NACA: variants seen among roughly 807,000 people sequenced by gnomAD.
NACA encodes nascent polypeptide-associated complex subunit alpha.
Under a neutral mutation model 86.4 loss-of-function variants are expected in NACA, and 42 were observed. The observed-to-expected ratio is 0.49, with a 90% CI of 0.38 to 0.63. The LOEUF (loss-of-function observed/expected upper bound fraction) is 0.63, where lower values mean the gene tolerates loss of function less well. NACA is among the 20% of genes least tolerant of loss of function. The probability of loss-of-function intolerance (pLI) is 0.00; values close to 1 mark genes in which losing one functional copy is unlikely to be tolerated. For missense variants in NACA, 2,157 were observed against 2,483.6 expected, an observed-to-expected ratio of 0.87 and a Z score of 2.80; for synonymous variants, 898 against 973.7, an observed-to-expected ratio of 0.92 and a Z score of 1.45.
rs1953352192 is a variant in NACA, at chr12:56,716,138, C to G, written c.5392G>C (p.Val1798Leu). ...ASVSAAPSPP[V>L]SLPLAPSPVP... is the part of the protein sequence containing the mutation. ...GGGGAGGGAGCAAGAGGCAGAGAGA[C>G]TGGTGGGGAGGGTGCTGCAGAGACA... is the stretch of plus-strand genomic sequence containing the variant. Residue 1798 changes from valine to leucine, a missense_variant, in exon 3 of 9, where the codon GTC (valine) becomes CTC (leucine). Val to Leu is a conservative substitution (Grantham distance 32, BLOSUM62 1). This residue lies in a region of NACA where 797 missense variants were observed against 777.6 expected (regional missense o/e 1.02). Coordinates refer to ENST00000454682, the MANE Select transcript of NACA (RefSeq NM_001365896.1). The G allele has an allele frequency of 6.2e-7, 1 of 1,613,274 alleles. No individual in the cohort carries two copies. The highest frequency in any genetic ancestry group is 1.3e-5 in the African/African-American group (1 of 74,860).
Position 56,719,167 on chromosome 12 carries a change from G to A in NACA, c.2363C>T (p.Thr788Ile), listed in dbSNP as rs553458607. Reference protein sequence around the residue: ...SATASSKGTLTYLADSPSPLG... With the variant: ...SATASSKGTLIYLADSPSPLG... ...AGGAGATGGGGAATCAGCTAGGTAA[G>A]TCAGAGTTCCTTTGGAAGATGCAGT... Residue 788 changes from threonine (T) to isoleucine (I), a missense_variant, in exon 3 of 9, where the codon ACT (threonine) becomes ATT (isoleucine). By Grantham distance (89) the Thr-to-Ile change is moderately conservative. Around this residue, in one of 8 missense-constraint regions of NACA, gnomAD observed 174 missense variants for 217.0 expected, o/e 0.80. Transcript: ENST00000454682. The A allele has an allele frequency of 1.4e-6, 2 of 1,467,854 alleles. No individual in the cohort carries two copies. Among genetic ancestry groups the A allele is most frequent in the African/African-American group, 2.8e-5 (2 of 72,406 alleles). 90.9% of individuals were successfully genotyped at this position (1,467,854 alleles called of 1,614,324 possible).
Position 56,717,140 on chromosome 12 carries a change from C to G in NACA, c.4390G>C (p.Asp1464His). The part of the protein sequence containing the change: ...GGPATPSSKG[D>H]PTLPAVTPPS... The stretch of plus-strand genomic sequence containing the variant: ...GGAGTCACTGCTGGGAGGGTGGGAT[C>G]CCCTTTGGAGGATGGGGTAGCTGGG... The change falls in exon 3 of 9, where the codon GAT becomes CAT. Residue 1464 changes from aspartate to histidine, a missense_variant. By Grantham distance (81) the Asp-to-His change is moderately conservative. Around this residue, in one of 8 missense-constraint regions of NACA, gnomAD observed 797 missense variants for 777.6 expected, o/e 1.02. Transcript: ENST00000454682. 2.4e-6 allele frequency: 3 copies of G among 1,273,906 alleles called. No homozygotes were observed. Among genetic ancestry groups the G allele is most frequent in the Non-Finnish European group, 3.0e-6 (3 of 990,272 alleles). The allele number at this position is 1,273,906 out of a possible 1,614,324, so 78.9% of individuals were successfully genotyped here. A position where few individuals can be genotyped will look rare whatever the true frequency, so the allele number is the denominator to read the frequency against.
rs1449270764 is a variant in NACA, at chr12:56,716,369, AG to A, written c.5160del (p.Ser1721GlnfsTer53). 6.2e-7 allele frequency: 1 copy of A among 1,611,248 alleles called. No homozygotes were observed. The highest frequency in any genetic ancestry group is 2.2e-5 in the East Asian group (1 of 44,794). On this transcript the variant is annotated frameshift_variant, in exon 3 of 9. Coordinates refer to ENST00000454682, the MANE Select transcript of NACA (RefSeq NM_001365896.1). LOFTEE classifies it high-confidence loss of function. ...SATSPPICPD[P>X]SAKNGSKGPL... ...GGTCCTTTAGAACCATTCTTAGCTG[AG>A]GGATCTGGGCATATAGGAGGTGAAG... is the stretch of plus-strand genomic sequence containing the variant.
chr12:56,716,810 G>C lies in NACA; in HGVS notation c.4720C>G (p.Pro1574Ala), dbSNP rs1434286866. Residue 1574 changes from proline (P) to alanine (A), a missense_variant, in exon 3 of 9, where the codon CCA (proline) becomes GCA (alanine). Pro to Ala is a conservative substitution (Grantham distance 27). Coordinates refer to ENST00000454682, the MANE Select transcript of NACA (RefSeq NM_001365896.1). Reference sequence around the variant, plus strand: ...GGACTGGAGGCCTCTTTGGAGGATGGGGTAGCTGGGGCTTCTTTGGGGGTT... The same window carrying C: ...GGACTGGAGGCCTCTTTGGAGGATGCGGTAGCTGGGGCTTCTTTGGGGGTT... ...IPTPKEAPAT[P>A]SSKEASSPPA... The C allele has an allele frequency of 7.5e-7, 1 of 1,339,748 alleles. No homozygotes were observed. The highest frequency in any genetic ancestry group is 9.8e-7 in the Non-Finnish European group (1 of 1,023,962). 83.0% of individuals were successfully genotyped at this position (1,339,748 alleles called of 1,614,324 possible). A position where few individuals can be genotyped will look rare whatever the true frequency, so the allele number is the denominator to read the frequency against.
Position 56,719,107 on chromosome 12 carries a change from G to A in NACA, c.2423C>T (p.Pro808Leu), listed in dbSNP as rs762916064. 1.0e-5 allele frequency: 15 copies of A among 1,453,540 alleles called. No individual in the cohort carries two copies. The highest frequency in any genetic ancestry group is 7.3e-5 in the Admixed American group (4 of 55,136). The allele number at this position is 1,453,540 out of a possible 1,614,324, so 90.0% of individuals were successfully genotyped here. The part of the protein sequence containing the change: ...GVSVSPQTKR[P>L]PTKKGSAGPD... ...GCCAGCAGAACCCTTCTTGGTTGGA[G>A]GTCTTTTAGTCTGAGGAGACACACT... Residue 808 changes from proline to leucine, a missense_variant, in exon 3 of 9, where the codon CCT becomes CTT. Physicochemically the swap from Pro to Leu is moderately conservative, Grantham distance 98. Transcript: ENST00000454682.
chr12:56,722,718 T>C (rs1326753303), intron 2 of NACA, among the ~76,000 whole-genome samples: 1 of 88,468 alleles, frequency 1.1e-5, no homozygotes, highest in East Asian at 3.9e-4. Flanking sequence ...AAGAAGACAA[T>C]TGGAGTGGCG....
Position 56,716,556 on chromosome 12 carries a change from T to C in NACA, c.4974A>G (p.Thr1658=), listed in dbSNP as rs749806947. The C allele has an allele frequency of 8.9e-6, 13 of 1,463,412 alleles. No individual in the cohort carries two copies. Among genetic ancestry groups the C allele is most frequent in the Non-Finnish European group, 1.2e-5 (13 of 1,082,630 alleles). 90.7% of individuals were successfully genotyped at this position (1,463,412 alleles called of 1,614,324 possible). Residue 1658 remains threonine, a synonymous_variant, in exon 3 of 9, where the codon ACA becomes ACG. Transcript: ENST00000454682. ...KDSPTSPASV[T]CKMGATVPQA... ...GAGGAACAGTGGCCCCCATTTTACA[T>C]GTGACAGAAGCTGGGGAAGTAGGGG...
rs1363485347 is a variant in NACA, at chr12:56,712,840, T to G, written c.6168A>C (p.Ala2056=). 6.2e-7 allele frequency: 1 copy of G among 1,614,240 alleles called. No individual in the cohort carries two copies. Among genetic ancestry groups the G allele is most frequent in the Admixed American group, 1.7e-5 (1 of 60,016 alleles). ...LVMSQANVSR[A]KAVRALKNNS... ...TGTTCTTCAGGGCTCGGACTGCCTT[T>G]GCTCTCGACACATTTGCTTGTGACA... Residue 2056 remains alanine, a synonymous_variant, in exon 8 of 9, where the codon GCA becomes GCC. Transcript: ENST00000454682.
rs753422760 is a variant in NACA, at chr12:56,715,893, T to C, written c.5637A>G (p.Gln1879=). ...TACCCTTGTTGTTCTTCGTAACAGG[T>C]TGCTTGGCAGAGGGGGTTGGGACAG... The part of the protein sequence containing the change: ...GIPVPTPSAK[Q]PVTKNNKGSG... The change falls in exon 3 of 9, where the codon CAA becomes CAG. Residue 1879 remains glutamine (Q), a synonymous_variant. Coordinates refer to ENST00000454682, the MANE Select transcript of NACA (RefSeq NM_001365896.1). 5 of 1,515,790 alleles carry C rather than the reference T, an allele frequency of 3.3e-6. No homozygotes were observed. The highest frequency in any genetic ancestry group is 4.5e-5 in the East Asian group (2 of 43,968). 93.9% of individuals were successfully genotyped at this position (1,515,790 alleles called of 1,614,324 possible).
In NACA at chr12:56,720,879, C is replaced by T. The variant is rs1156288046; in HGVS notation, c.651G>A (p.Val217=). 1.2e-6 allele frequency: 2 copies of T among 1,613,848 alleles called. No homozygotes were observed. Among genetic ancestry groups the T allele is most frequent in the Non-Finnish European group, 1.7e-6 (2 of 1,179,882 alleles). The change falls in exon 3 of 9, where the codon GTG becomes GTA. Residue 217 remains valine, a synonymous_variant. Transcript: ENST00000454682. ...CIVSTVPYHC[V]TPMASIQSGV... ...CAGATTGAATAGAGGCCATGGGAGT[C>T]ACACAGTGGTAAGGAACAGTACTGA...
chr12:56,722,986 A>C (rs1262736992), intron 2 of NACA, among the ~76,000 whole-genome samples: 1 of 152,250 alleles, frequency 6.6e-6, no homozygotes, highest in Admixed American at 6.5e-5. Flanking sequence ...TGGAAAAGAC[A>C]AGGTGGCTCA....
Position 56,716,288 on chromosome 12 carries a change from T to A in NACA, c.5242A>T (p.Thr1748Ser), listed in dbSNP as rs768316820. Reference protein sequence around the residue: ...LLPVQKDSSKTAKGKDASHSP... With the variant: ...LLPVQKDSSKSAKGKDASHSP... ...TGAGAAGCATCTTTGCCTTTTGCTG[T>A]CTTTGAAGAGTCTTTCTGAACAGGG... The change falls in exon 3 of 9, where the codon ACA (threonine) becomes TCA (serine). Residue 1748 changes from threonine (T) to serine (S), a missense_variant. By Grantham distance (58) the Thr-to-Ser change is moderately conservative. Coordinates refer to ENST00000454682, the MANE Select transcript of NACA (RefSeq NM_001365896.1). 6.2e-7 allele frequency: 1 copy of A among 1,613,342 alleles called. No individual in the cohort carries two copies. Among genetic ancestry groups the A allele is most frequent in the Non-Finnish European group, 8.5e-7 (1 of 1,179,818 alleles).
chr12:56,720,087 A>C lies in NACA; in HGVS notation c.1443T>G (p.Ala481=), dbSNP rs1316470372. ...PISNIEPTSP[A]ALVMAPVAPK... is the part of the protein sequence containing the mutation. Reference sequence around the variant, plus strand: ...GAGCCACAGGTGCCATAACCAAGGCAGCAGGGGAAGTTGGTTCTATGTTAC... The same window carrying C: ...GAGCCACAGGTGCCATAACCAAGGCCGCAGGGGAAGTTGGTTCTATGTTAC... Residue 481 remains alanine, a synonymous_variant, in exon 3 of 9, where the codon GCT becomes GCG. Coordinates refer to ENST00000454682, the MANE Select transcript of NACA (RefSeq NM_001365896.1). 1 of 1,613,910 alleles carries C rather than the reference A, an allele frequency of 6.2e-7. No homozygotes were observed. The highest frequency in any genetic ancestry group is 2.2e-5 in the East Asian group (1 of 44,896).
intron 8 of NACA, 105 bp from the exon 9 acceptor site, chr12:56,712,657 C>G (rs909276612): frequency 4.4e-6 from 7 of 1,596,086 alleles, no homozygotes; most frequent in Non-Finnish European, 6.0e-6. Flanking sequence ...CCACTAAAAC[C>G]TATACGGCAA....
chr12:56,714,577 T>A (rs1256934026), intron 4 of NACA, 25 bp downstream of exon 4: 1 of 1,612,968 alleles, frequency 6.2e-7, no homozygotes, highest in Non-Finnish European at 8.5e-7. Context: ...TTTGACCCAA[T>A]ACCAGTTAGT....
In NACA at chr12:56,718,294, G is replaced by GC. The variant is rs771453766; in HGVS notation, c.3235dup (p.Ala1079GlyfsTer266). The GC allele has an allele frequency of 8.8e-7, 1 of 1,134,494 alleles. No homozygotes were observed. The highest frequency in any genetic ancestry group is 3.3e-5 in the South Asian group (1 of 30,554). The allele number at this position is 1,134,494 out of a possible 1,614,324, so 70.3% of individuals were successfully genotyped here. A position where few individuals can be genotyped will look rare whatever the true frequency, so the allele number is the denominator to read the frequency against. On this transcript the variant is annotated frameshift_variant, in exon 3 of 9. Transcript: ENST00000454682. LOFTEE classifies it high-confidence loss of function. Reference sequence around the variant, plus strand: ...AGGAGTCGCAGCTGGGGGAGTGGGGGCCCCCTTGAGGGATGGGGTAGCTGG... The same window carrying GC: ...AGGAGTCGCAGCTGGGGGAGTGGGGGCCCCCCTTGAGGGATGGGGTAGCTGG...
chr12:56,718,938 G>A lies in NACA; in HGVS notation c.2592C>T (p.Ala864=). 6.9e-7 allele frequency: 1 copy of A among 1,443,234 alleles called. No homozygotes were observed. The highest frequency in any genetic ancestry group is 3.0e-5 in the East Asian group (1 of 33,208). The allele number at this position is 1,443,234 out of a possible 1,614,324, so 89.4% of individuals were successfully genotyped here. Residue 864 remains alanine (A), a synonymous_variant, in exon 3 of 9, where the codon GCC becomes GCT. Coordinates refer to ENST00000454682, the MANE Select transcript of NACA (RefSeq NM_001365896.1). The part of the protein sequence containing the change: ...HSPTPPSPKG[A]PTPSAVTPLS... ...GAGGAGTCACAGCTGAGGGAGTAGG[G>A]GCCCCTTTGGGGGATGGAGGAGTGG...
At chr12:56,714,331 A>G in intron 5 of NACA, 31 bp downstream of exon 5, 2 of 1,607,164 alleles carry the variant, frequency 1.2e-6, no homozygotes, top group Middle Eastern at 1.7e-4. Flanking sequence ...AAGGTGCTTC[A>G]TAAGATCCTG....
Position 56,720,114 on chromosome 12 carries a change from T to A in NACA, c.1416A>T (p.Ile472=), listed in dbSNP as rs756613939. Residue 472 remains isoleucine, a synonymous_variant, in exon 3 of 9, where the codon ATA becomes ATT. Coordinates refer to ENST00000454682, the MANE Select transcript of NACA (RefSeq NM_001365896.1). ...CVSPPMSSGP[I]SNIEPTSPAA... is the part of the protein sequence containing the mutation. ...CAGGGGAAGTTGGTTCTATGTTACT[T>A]ATGGGACCTGATGACATTGGAGGAG... 3.7e-6 allele frequency: 6 copies of A among 1,613,862 alleles called. No homozygotes were observed. The highest frequency in any genetic ancestry group is 1.1e-5 in the South Asian group (1 of 91,072).
Sources: gnomAD v4.1 joint callset for allele counts (sites outside exome capture counted in the v4.1 genomes callset) on GRCh38, gnomAD v4.1.1 for gene constraint, gnomAD v4.1.1 regional missense constraint, MANE v1.5 for transcripts, NCBI Gene and HGNC (gene_info 2026-07-23, HGNC 2026-07-21) for gene names.